The following TRMT11 variants were observed in gnomAD, a reference collection of about 807,000 sequenced individuals.
The protein encoded by TRMT11 is tRNA methyltransferase 11, also known as tRNA (guanine(10)-N(2))-methyltransferase TRMT11.
TRMT11 carries 53 observed loss-of-function variants against 62.8 expected under a neutral mutation model. The ratio of observed to expected loss-of-function variants is 0.84; its 90% confidence interval spans 0.68 to 1.06. The LOEUF (loss-of-function observed/expected upper bound fraction) is 1.06. Among genes scored for constraint, TRMT11 ranks in the 50% least tolerant of loss-of-function variants. TRMT11 has a pLI of 0.00. For synonymous variants in TRMT11, 188 were observed against 190.3 expected, an observed-to-expected ratio of 0.99 and a Z score of 0.10; for missense variants, 556 against 553.4, an observed-to-expected ratio of 1.00 and a Z score of -0.05.
upstream of TRMT11, among the ~76,000 whole-genome samples, chr6:126,175,397 G>A (rs1327999762): frequency 6.6e-6 from 1 of 152,164 alleles, no homozygotes; most frequent in Non-Finnish European, 1.5e-5. Flanking sequence ...TGAGATGTGA[G>A]TTGTGGAGCC....
intron 21 of TRMT11, among the ~76,000 whole-genome samples, chr6:126,129,220 A>C (rs936293258): frequency 2.6e-5 from 4 of 152,042 alleles, no homozygotes; most frequent in African/African-American, 9.7e-5. Flanking sequence ...CACCTCTCAC[A>C]ATGTGCGCAA....
chr6:126,171,866 C>G (rs1172507575), intron 21 of TRMT11, among the ~76,000 whole-genome samples: 1 of 151,964 alleles, frequency 6.6e-6, no homozygotes, highest in Admixed American at 6.6e-5. Flanking sequence ...TTACGGGCAG[C>G]CTGCTACCAT....
At chr6:126,057,222 T>C (rs1776398232) in intron 17 of TRMT11, among the ~76,000 whole-genome samples, 1 of 152,218 alleles carries the variant, frequency 6.6e-6, no homozygotes, top group Non-Finnish European at 1.5e-5. Context: ...TCTTCCTCTT[T>C]CCTCTCACCT....
intron 21 of TRMT11, among the ~76,000 whole-genome samples, chr6:126,121,111 A>G (rs983838261): frequency 2.6e-5 from 4 of 152,164 alleles, no homozygotes; most frequent in East Asian, 1.9e-4. Context: ...GCACACTTAT[A>G]TGGTGTTTTC....
At chr6:126,119,376 G>A (rs989778542) in intron 21 of TRMT11, among the ~76,000 whole-genome samples, 2 of 151,900 alleles carry the variant, frequency 1.3e-5, no homozygotes, top group Non-Finnish European at 2.9e-5. Flanking sequence ...ATGAAACCTG[G>A]CCTCTCCAGG....
intron 21 of TRMT11, among the ~76,000 whole-genome samples, chr6:126,137,349 A>G (rs557335273): frequency 2.6e-4 from 39 of 152,010 alleles, no homozygotes; most frequent in African/African-American, 8.9e-4. Context: ...AAAAGAGCTT[A>G]ATAGACATTT....
At position 126,021,037 on chromosome 6, in the gene TRMT11, T is replaced by G. The variant is rs1795732444; in HGVS notation, c.1140-123T>G. The G allele has an allele frequency of 3.6e-5, 39 of 1,087,042 alleles. No homozygotes were observed. The South Asian group carries it at 6.4e-4, about 18-fold the overall frequency. 67.3% of individuals were successfully genotyped at this position (1,087,042 alleles called of 1,614,324 possible). ...ATAGTTTATGGATCATGTGGACAGT[T>G]AGCATATGTGGGGAAAAAGAGCATG... is the stretch of plus-strand genomic sequence containing the variant. On this transcript the variant is annotated intron_variant, in intron 11 of 12. Transcript: ENST00000334379.
chr6:126,136,529 C>A (rs1046963267), intron 21 of TRMT11, among the ~76,000 whole-genome samples: 2 of 151,568 alleles, frequency 1.3e-5, no homozygotes, highest in Non-Finnish European at 3.0e-5. Flanking sequence ...GAAAATATCC[C>A]ATGCCATGGA....
chr6:126,130,786 T>C (rs72977803), intron 21 of TRMT11, among the ~76,000 whole-genome samples: 3,170 of 152,204 alleles, frequency 0.021, 59 homozygotes, highest in Non-Finnish European at 0.031. Flanking sequence ...GATTTTTCTC[T>C]TCACATGCCA....
chr6:126,131,840 T>G (rs1777786889), intron 21 of TRMT11, among the ~76,000 whole-genome samples: 1 of 152,026 alleles, frequency 6.6e-6, no homozygotes, highest in Non-Finnish European at 1.5e-5. Context: ...AAGGGGAGAT[T>G]TGCTCTGATG....
At chr6:126,117,961 G>A (rs986010253) in intron 21 of TRMT11, among the ~76,000 whole-genome samples, 1 of 152,058 alleles carries the variant, frequency 6.6e-6, no homozygotes, top group African/African-American at 2.4e-5. Flanking sequence ...ATCTTTTACA[G>A]AGGCTGGAAA....
intron 21 of TRMT11, among the ~76,000 whole-genome samples, chr6:126,171,814 C>G (rs144557468): frequency 0.044 from 6,618 of 152,092 alleles, 460 homozygotes; most frequent in African/African-American, 0.15. Context: ...TGCCTCCCGG[C>G]TTCAAACGAT....
chr6:126,225,724 G>T, the TRMT11 span, among the ~76,000 whole-genome samples: 2 of 122,108 alleles, frequency 1.6e-5, no homozygotes, highest in African/African-American at 6.9e-5. Flanking sequence ...ATGGAGTCTT[G>T]GTCTGTCCCA....
At position 126,009,907 on chromosome 6, in the gene TRMT11, A is replaced by G. The variant is rs548187253; in HGVS notation, c.761-1346A>G. ...TTCAGTCTACTGGGGTAGAATTCTG[A>G]TTGAGGTAGTTCCCTTAGAGCTTAT... On this transcript the variant is annotated intron_variant, in intron 8 of 12. Coordinates refer to ENST00000334379, the MANE Select transcript of TRMT11 (RefSeq NM_001031712.3). Among the ~76,000 whole-genome samples the G allele has an allele frequency of 2.6e-5, 4 of 152,122 alleles. No homozygotes were observed. The East Asian group carries it at 7.7e-4, about 29-fold the overall frequency.
intron 17 of TRMT11, among the ~76,000 whole-genome samples, chr6:126,071,959 T>C (rs1776871733): frequency 6.6e-6 from 1 of 152,150 alleles, no homozygotes; most frequent in Admixed American, 6.5e-5. Context: ...TCTGACAACT[T>C]CTCAGATGAT....
the TRMT11 span, among the ~76,000 whole-genome samples, chr6:126,235,013 A>G: frequency 6.6e-6 from 1 of 152,204 alleles, no homozygotes; most frequent in African/African-American, 2.4e-5. Flanking sequence ...ACAAGGAATA[A>G]TGAACAACCC....
intron 3 of TRMT11, among the ~76,000 whole-genome samples, chr6:126,201,724 C>T (rs1056036605): frequency 6.6e-6 from 1 of 151,938 alleles, no homozygotes; most frequent in Non-Finnish European, 1.5e-5. Context: ...TACATTCTCT[C>T]TTTATTTTTA....
At chr6:125,997,644 G>A (rs1791747262) in intron 3 of TRMT11, among the ~76,000 whole-genome samples, 1 of 152,214 alleles carries the variant, frequency 6.6e-6, no homozygotes, top group East Asian at 1.9e-4. Context: ...AGTAGCTGGG[G>A]CTATGGGTGT....
chr6:126,246,512 T>C, the TRMT11 span, among the ~76,000 whole-genome samples: 1 of 152,176 alleles, frequency 6.6e-6, no homozygotes, highest in African/African-American at 2.4e-5. Flanking sequence ...GAGCTGATCA[T>C]GTGGAATGGG....
Sources: allele counts gnomAD v4.1 joint callset (sites outside exome capture counted in the v4.1 genomes callset), GRCh38; gene constraint gnomAD v4.1.1; transcripts MANE v1.5; gene names NCBI Gene and HGNC (gene_info 2026-07-23, HGNC 2026-07-21).